RSRC1: variants seen among roughly 807,000 people sequenced by gnomAD.
RSRC1 encodes the protein arginine and serine rich coiled-coil 1.
RSRC1 carries 39 observed loss-of-function variants against 49.1 expected under a neutral mutation model. That is an observed-to-expected ratio of 0.79 (90% CI 0.61 to 1.04). RSRC1 has a LOEUF of 1.04. Among genes scored for constraint, RSRC1 ranks in the 50% least tolerant of loss-of-function variants. The pLI is 0.00. For synonymous variants in RSRC1, 143 were observed against 130.8 expected, an observed-to-expected ratio of 1.09 and a Z score of -0.63; for missense variants, 388 against 402.4, an observed-to-expected ratio of 0.96 and a Z score of 0.31.
chr3:158,378,212 T>C (rs1211166005), intron 6 of RSRC1, among the ~76,000 whole-genome samples: 1 of 152,224 alleles, frequency 6.6e-6, no homozygotes, highest in East Asian at 1.9e-4. Context: ...TTTAATTCAT[T>C]ATAGTGTATT....
At chr3:158,494,618 A>G (rs910733126) in intron 7 of RSRC1, among the ~76,000 whole-genome samples, 1 of 152,204 alleles carries the variant, frequency 6.6e-6, no homozygotes, top group Non-Finnish European at 1.5e-5. Flanking sequence ...TAACACTTAA[A>G]ACACAAATAT....
At chr3:158,476,599 A>G (rs1048301754) in intron 7 of RSRC1, among the ~76,000 whole-genome samples, 7 of 152,152 alleles carry the variant, frequency 4.6e-5, no homozygotes, top group African/African-American at 1.7e-4. Context: ...GGATGACAAC[A>G]CATCTGTTTA....
In RSRC1 at chr3:158,387,059, G is replaced by C. The variant is rs926967726; in HGVS notation, c.583+32151G>C. ...GTCACATGTGAAATTACATTTCTTT[G>C]TGACATTTTCATTAAAAAAAAAGTG... On this transcript the variant is annotated intron_variant, in intron 6 of 9. Coordinates refer to ENST00000611884, the MANE Select transcript of RSRC1 (RefSeq NM_001271838.2). 1.1e-4 allele frequency among the ~76,000 whole-genome samples: 16 copies of C among 151,798 alleles called. No individual in the cohort carries two copies. The South Asian group carries it at 3.1e-3, about 30-fold the overall frequency.
intron 6 of RSRC1, among the ~76,000 whole-genome samples, chr3:158,365,200 G>A (rs957892842): frequency 1.3e-5 from 2 of 152,110 alleles, no homozygotes; most frequent in African/African-American, 4.8e-5. Context: ...TGCCGAACAT[G>A]CAGATTTGTT....
intron 7 of RSRC1, among the ~76,000 whole-genome samples, chr3:158,502,383 G>A (rs911563369): frequency 1.3e-5 from 2 of 152,138 alleles, no homozygotes; most frequent in African/African-American, 4.8e-5. Context: ...GGTGTTCTTT[G>A]TGCTTCTTGT....
intron 5 of RSRC1, among the ~76,000 whole-genome samples, chr3:158,353,229 C>G (rs983558774): frequency 6.6e-6 from 1 of 152,184 alleles, no homozygotes; most frequent in Admixed American, 6.5e-5. Context: ...CCTCTAGACA[C>G]ATTCCTTTCA....
intron 3 of RSRC1, among the ~76,000 whole-genome samples, chr3:158,186,506 T>A (rs1192691137): frequency 6.6e-6 from 1 of 152,028 alleles, no homozygotes; most frequent in Non-Finnish European, 1.5e-5. Flanking sequence ...CTAGGATTTT[T>A]AGATAGGAAA....
intron 3 of RSRC1, among the ~76,000 whole-genome samples, chr3:158,181,294 C>T (rs980970472): frequency 6.6e-6 from 1 of 152,114 alleles, no homozygotes; most frequent in Non-Finnish European, 1.5e-5. Context: ...GCAAATGTGG[C>T]ATGCTAAGGA....
intron 4 of RSRC1, among the ~76,000 whole-genome samples, chr3:158,257,531 T>C (rs1724635584): frequency 6.6e-6 from 1 of 152,186 alleles, no homozygotes. Flanking sequence ...GGCTGTCTTT[T>C]TAAGTGATGT....
intron 6 of RSRC1, among the ~76,000 whole-genome samples, chr3:158,380,513 T>C (rs1331599059): frequency 1.3e-5 from 2 of 152,252 alleles, no homozygotes; most frequent in Non-Finnish European, 2.9e-5. Flanking sequence ...TGTTTTATGT[T>C]TGTATAACAG....
At chr3:158,160,700 A>G (rs1718164441) in intron 3 of RSRC1, among the ~76,000 whole-genome samples, 1 of 152,220 alleles carries the variant, frequency 6.6e-6, no homozygotes, top group South Asian at 2.1e-4. Flanking sequence ...ATTTGCATGT[A>G]GTAAACATTT....
chr3:158,123,264 CCCA>C (rs1255106822), intron 2 of RSRC1, among the ~76,000 whole-genome samples: 4 of 152,226 alleles, frequency 2.6e-5, no homozygotes, highest in Non-Finnish European at 4.4e-5. Context: ...TCCTCAGCCT[CCCA>C]AAATGTTGGG....
intron 7 of RSRC1, among the ~76,000 whole-genome samples, chr3:158,515,974 A>T (rs1740502173): frequency 6.6e-6 from 1 of 150,692 alleles, no homozygotes; most frequent in East Asian, 2.0e-4. Context: ...ACTTCTCTGT[A>T]TTGGTTATTC....
chr3:158,371,857 C>T (rs1376815074), intron 6 of RSRC1, among the ~76,000 whole-genome samples: 1 of 151,830 alleles, frequency 6.6e-6, no homozygotes, highest in Non-Finnish European at 1.5e-5. Flanking sequence ...ACATGCTTGA[C>T]AATACTTTGT....
intron 4 of RSRC1, among the ~76,000 whole-genome samples, chr3:158,240,931 C>A (rs1348086810): frequency 6.6e-6 from 1 of 151,998 alleles, no homozygotes; most frequent in Non-Finnish European, 1.5e-5. Context: ...TGAGAAAAAT[C>A]ACATTTTTAT....
chr3:158,240,477 ACC>A (rs1723509543), intron 4 of RSRC1, among the ~76,000 whole-genome samples: 1 of 152,112 alleles, frequency 6.6e-6, no homozygotes, highest in African/African-American at 2.4e-5. Flanking sequence ...ATTGAGATAA[ACC>A]TGGCTTATTC....
At chr3:158,410,444 A>G (rs530431531) in intron 6 of RSRC1, among the ~76,000 whole-genome samples, 5 of 152,294 alleles carry the variant, frequency 3.3e-5, no homozygotes, top group Admixed American at 1.3e-4. Flanking sequence ...AAGCATCACA[A>G]ACTTCTTTCA....
intron 6 of RSRC1, among the ~76,000 whole-genome samples, chr3:158,432,981 C>T (rs1044628858): frequency 2.6e-5 from 4 of 151,738 alleles, no homozygotes; most frequent in South Asian, 2.1e-4. Flanking sequence ...TGTGATGCTT[C>T]GTAAGTTAAT....
intron 4 of RSRC1, among the ~76,000 whole-genome samples, chr3:158,254,155 C>T (rs1308276807): frequency 6.6e-6 from 1 of 152,158 alleles, no homozygotes; most frequent in Non-Finnish European, 1.5e-5. Context: ...TTTCTTAATC[C>T]AGTCTATCAT....
Sources: allele counts gnomAD v4.1 joint callset (sites outside exome capture counted in the v4.1 genomes callset), GRCh38; gene constraint gnomAD v4.1.1; transcripts MANE v1.5; gene names NCBI Gene and HGNC (gene_info 2026-07-23, HGNC 2026-07-21).